The following APOB variants were observed in gnomAD, a reference collection of about 807,000 sequenced individuals.
The protein encoded by APOB is apolipoprotein B.
In APOB, 153 loss-of-function variants were observed where a neutral mutation model predicts 314.1. The ratio of observed to expected loss-of-function variants is 0.49; its 90% CI spans 0.43 to 0.56. The LOEUF is 0.56. Among genes scored for constraint, APOB ranks in the 20% least tolerant of loss-of-function variants. The pLI is 0.00. For synonymous variants in APOB, 2,087 were observed against 2,036.4 expected, an observed-to-expected ratio of 1.02 and a Z score of -0.67; for missense variants, 5,430 against 5,350.7, an observed-to-expected ratio of 1.01 and a Z score of -0.46.
Position 21,015,231 on chromosome 2 carries a change from T to C in APOB, c.3538A>G (p.Thr1180Ala). The C allele has an allele frequency of 1.9e-6, 3 of 1,614,258 alleles. No homozygotes were observed. The highest frequency in any genetic ancestry group is 2.5e-6 in the Non-Finnish European group (3 of 1,180,042). ...DEEKIEFEWN[T>A]GTNVDTKKMT... ...TTTTTGGTATCTACATTGGTGCCTG[T>C]GTTCCATTCAAATTCAATCTTCTCT... The change falls in exon 23 of 29, where the codon ACA becomes GCA. Residue 1180 changes from threonine (T) to alanine (A), a missense_variant. Physicochemically the swap from Thr to Ala is moderately conservative, Grantham distance 58. Coordinates refer to ENST00000233242, the MANE Select transcript of APOB (RefSeq NM_000384.3).
chr2:21,005,247 C>T lies in APOB; in HGVS notation c.11621G>A (p.Gly3874Glu), dbSNP rs754886335. 5.6e-6 allele frequency: 9 copies of T among 1,613,940 alleles called. No homozygotes were observed. In the African/African-American group the frequency reaches 1.2e-4, roughly 22 times the overall value. ...IPSIKFSVPA[G>E]IVIPSFQALT... ...TGCTTGAAAGGAAGGAATGACAATTCCAGCAGGTACAGAGAACTTAATGGA... is the reference window on the plus strand; with the variant it reads ...TGCTTGAAAGGAAGGAATGACAATTTCAGCAGGTACAGAGAACTTAATGGA... Residue 3874 changes from glycine (G) to glutamate (E), a missense_variant, in exon 26 of 29, where the codon GGA (glycine) becomes GAA (glutamate). Around this residue, in one of 3 missense-constraint regions of APOB, gnomAD observed 3,281 missense variants for 3,171.0 expected, o/e 1.03. Transcript: ENST00000233242.
chr2:21,006,085 G>T lies in APOB; in HGVS notation c.10783C>A (p.Gln3595Lys). 6.2e-7 allele frequency: 1 copy of T among 1,614,016 alleles called. No individual in the cohort carries two copies. The highest frequency in any genetic ancestry group is 8.5e-7 in the Non-Finnish European group (1 of 1,179,940). Residue 3595 changes from glutamine to lysine, a missense_variant, in exon 26 of 29, where the codon CAA becomes AAA. By Grantham distance (53) the Gln-to-Lys change is moderately conservative. Around this residue, in one of 3 missense-constraint regions of APOB, gnomAD observed 3,281 missense variants for 3,171.0 expected, o/e 1.03. Coordinates refer to ENST00000233242, the MANE Select transcript of APOB (RefSeq NM_000384.3). ...SKATLELSPW[Q>K]MSALVQVHAS... ...TGGACCTGAACAAGAGCTGACATTT[G>T]CCATGGAGAGAGTTCCAGGGTGGCT...
intron 20 of APOB, among the ~76,000 whole-genome samples, chr2:21,016,925 A>G (rs892934616): frequency 2.6e-5 from 4 of 151,964 alleles, no homozygotes; most frequent in Non-Finnish European, 5.9e-5. Flanking sequence ...CGGGGCTTGC[A>G]GTGAGCCGAG....
chr2:21,007,726 C>G lies in APOB; in HGVS notation c.9142G>C (p.Ala3048Pro). ...AAATTCCCTTCATTGTTTGTGGATG[C>G]CGTGATCTCAAATGGCTGGGCTGAA... ...FFSAQPFEIT[A>P]STNNEGNLKV... is the part of the protein sequence containing the mutation. Residue 3048 changes from alanine (A) to proline (P), a missense_variant, in exon 26 of 29, where the codon GCA (alanine) becomes CCA (proline). By Grantham distance (27) the Ala-to-Pro change is conservative. Coordinates refer to ENST00000233242, the MANE Select transcript of APOB (RefSeq NM_000384.3). 6.2e-7 allele frequency: 1 copy of G among 1,614,084 alleles called. No individual in the cohort carries two copies. Among genetic ancestry groups the G allele is most frequent in the Non-Finnish European group, 8.5e-7 (1 of 1,179,964 alleles).
At chr2:21,029,060 G>A (rs1399749643) in intron 12 of APOB, among the ~76,000 whole-genome samples, 2 of 152,180 alleles carry the variant, frequency 1.3e-5, no homozygotes, top group Admixed American at 6.5e-5. Flanking sequence ...AACATCTCAC[G>A]TTCTGCATGT....
chr2:21,016,995 A>T (rs987497307), intron 20 of APOB, among the ~76,000 whole-genome samples: 4 of 135,886 alleles, frequency 2.9e-5, no homozygotes, highest in African/African-American at 5.4e-5. Context: ...AAAAATAAAT[A>T]AATAAATAAA....
At chr2:21,032,284 A>T in intron 10 of APOB, 70 bp downstream of exon 10, 1 of 1,395,052 alleles carries the variant, frequency 7.2e-7, no homozygotes, top group Non-Finnish European at 1.0e-6. Context: ...TTCAGTTTTA[A>T]TACAGAGATG....
chr2:21,041,865 G>A (rs577733037), intron 3 of APOB, among the ~76,000 whole-genome samples: 1 of 152,156 alleles, frequency 6.6e-6, no homozygotes, highest in Non-Finnish European at 1.5e-5. Context: ...CCACATGTAT[G>A]TAACATGAGT....
chr2:21,025,228 A>T lies in APOB; in HGVS notation c.2245-104T>A, dbSNP rs540313673. 53 of 1,168,228 alleles carry T rather than the reference A, an allele frequency of 4.5e-5. No homozygotes were observed. In the African/African-American group the frequency reaches 7.4e-4, roughly 16 times the overall value. 72.4% of individuals were successfully genotyped at this position (1,168,228 alleles called of 1,614,324 possible). A position where few individuals can be genotyped will look rare whatever the true frequency, so the allele number is the denominator to read the frequency against. On this transcript the variant is annotated intron_variant, in intron 15 of 28. Transcript: ENST00000233242. The stretch of plus-strand genomic sequence containing the variant: ...TGATGCAGCCAGGATGGGCCTAAAA[A>T]ATGCTCCAGGTGAGGAACAGGGAGA...
Position 21,005,308 on chromosome 2 carries a change from T to G in APOB, c.11560A>C (p.Thr3854Pro), listed in dbSNP as rs1176973359. Residue 3854 changes from threonine (T) to proline (P), a missense_variant, in exon 26 of 29, where the codon ACC becomes CCC. This residue lies in a region of APOB where 3,281 missense variants were observed against 3,171.0 expected (regional missense o/e 1.03). Transcript: ENST00000233242. The part of the protein sequence containing the change: ...ANKIADFELP[T>P]IIVPEQTIEI... ...ATGGTCTGCTCAGGCACGATGATGG[T>G]GGGCAACTCAAAGTCTGCGATCTTG... The G allele has an allele frequency of 6.2e-7, 1 of 1,613,938 alleles. No homozygotes were observed. Among genetic ancestry groups the G allele is most frequent in the Non-Finnish European group, 8.5e-7 (1 of 1,179,958 alleles).
rs778630493 is a variant in APOB at position 21,015,178 on chromosome 2, G to A, written c.3591C>T (p.Leu1197=). 3.7e-6 allele frequency: 6 copies of A among 1,614,076 alleles called. No homozygotes were observed. The East Asian group carries it at 1.3e-4, about 36-fold the overall frequency. Residue 1197 remains leucine (L), a synonymous_variant, in exon 23 of 29, where the codon CTC becomes CTT. Coordinates refer to ENST00000233242, the MANE Select transcript of APOB (RefSeq NM_000384.3). Reference sequence around the variant, plus strand: ...TATGCAAGCTCTTAGGATAATCGGAGAGATCCACAGGGAAATTGGAAGTCA... The same window carrying A: ...TATGCAAGCTCTTAGGATAATCGGAAAGATCCACAGGGAAATTGGAAGTCA... The part of the protein sequence containing the change: ...KKMTSNFPVD[L]SDYPKSLHMY...
Position 21,013,184 on chromosome 2 carries a change from C to A in APOB, c.4192G>T (p.Asp1398Tyr). ...RYHMKADSVV[D>Y]LLSYNVQGSG... ...CCTTGCACATTGTAGGAAAGCAGGT[C>A]AACCACAGAGTCAGCCTTCATGTGG... Residue 1398 changes from aspartate to tyrosine, a missense_variant, in exon 25 of 29, where the codon GAC becomes TAC. Physicochemically the swap from Asp to Tyr is radical, Grantham distance 160. Transcript: ENST00000233242. 6.2e-7 allele frequency: 1 copy of A among 1,614,072 alleles called. No homozygotes were observed. Among genetic ancestry groups the A allele is most frequent in the East Asian group, 2.2e-5 (1 of 44,882 alleles).
In APOB at chr2:21,037,086, G is replaced by A. The variant is rs374958338; in HGVS notation, c.693+14C>T. 4.3e-6 allele frequency: 7 copies of A among 1,614,060 alleles called. No individual in the cohort carries two copies. In the African/African-American group the frequency reaches 9.3e-5, roughly 22 times the overall value. On this transcript the variant is annotated intron_variant, in intron 6 of 28. Coordinates refer to ENST00000233242, the MANE Select transcript of APOB (RefSeq NM_000384.3). ...GCTCCTTGCTGTGCACGACAGTGCT[G>A]ACATGGGACTTACCATGCCTTTGAT...
At chr2:21,037,322 A>T in intron 5 of APOB, 67 bp from the exon 6 acceptor site, 352 of 1,240,392 alleles carry the variant, frequency 2.8e-4, no homozygotes, top group Non-Finnish European at 3.5e-4. Context: ...CTTGGGAGGG[A>T]TGGGGTGGGG....
chr2:21,002,621 C>T lies in APOB; in HGVS notation c.12801G>A (p.Ser4267=), dbSNP rs764627015. The part of the protein sequence containing the change: ...LRKHKLIDVI[S]MYRELLKDLS... ...AATCTTTCAACAGTTCCCTATACAT[C>T]GAGATTACATCTATTAGTTTATGTT... The change falls in exon 29 of 29, where the codon TCG becomes TCA. Residue 4267 remains serine, a synonymous_variant. Transcript: ENST00000233242. 7 of 1,613,972 alleles carry T rather than the reference C, an allele frequency of 4.3e-6. No homozygotes were observed. The highest frequency in any genetic ancestry group is 1.3e-5 in the African/African-American group (1 of 74,998).
Position 21,015,409 on chromosome 2 carries a change from A to G in APOB, c.3469T>C (p.Tyr1157His). 2 of 1,614,190 alleles carry G rather than the reference A, an allele frequency of 1.2e-6. No individual in the cohort carries two copies. Among genetic ancestry groups the G allele is most frequent in the Non-Finnish European group, 8.5e-7 (1 of 1,180,044 alleles). The change falls in exon 22 of 29, where the codon TAT becomes CAT. Residue 1157 changes from tyrosine (Y) to histidine (H), a missense_variant. Around this residue, in one of 3 missense-constraint regions of APOB, gnomAD observed 2,085 missense variants for 2,079.7 expected, o/e 1.00. Transcript: ENST00000233242. ...ACCCTCTTGGAAACTGTGGAGCCAT[A>G]AGCTGTAGCAGATGAGTCCATTTGG... ...LLQMDSSATAYGSTVSKRVAW... is the reference protein window; with the variant it reads ...LLQMDSSATAHGSTVSKRVAW...
intron 4 of APOB, 141 bp from the exon 5 acceptor site, chr2:21,038,252 A>C: frequency 1.1e-6 from 1 of 891,064 alleles, no homozygotes; most frequent in Non-Finnish European, 1.8e-6. Context: ...TAAATATAGA[A>C]TATAGCTACA....
chr2:21,029,699 T>C lies in APOB; in HGVS notation c.1557A>G (p.Pro519=). The C allele has an allele frequency of 1.9e-6, 3 of 1,614,204 alleles. No individual in the cohort carries two copies. Among genetic ancestry groups the C allele is most frequent in the Non-Finnish European group, 8.5e-7 (1 of 1,180,026 alleles). ...TGGCAGCTTTCTGGATCATCAGTGA[T>C]GGCTTTGTACTTTGGACACATTTCA... The part of the protein sequence containing the change: ...SILKCVQSTK[P]SLMIQKAAIQ... The change falls in exon 12 of 29, where the codon CCA becomes CCG. Residue 519 remains proline (P), a synonymous_variant. Coordinates refer to ENST00000233242, the MANE Select transcript of APOB (RefSeq NM_000384.3).
chr2:21,025,121 T>C lies in APOB; in HGVS notation c.2248A>G (p.Met750Val), dbSNP rs1335266600. Residue 750 changes from methionine (M) to valine (V), a missense_variant, in exon 16 of 29, where the codon ATG becomes GTG. This residue lies in a region of APOB where 2,085 missense variants were observed against 2,079.7 expected (regional missense o/e 1.00). Transcript: ENST00000233242. ...ACACTGAGCATTATTCCATTTACCATATCCTGAGAGTTTAGTAATAAAATG... is the reference window on the plus strand; with the variant it reads ...ACACTGAGCATTATTCCATTTACCACATCCTGAGAGTTTAGTAATAAAATG... ...YTKDDKHEQD[M>V]VNGIMLSVEK... 4.3e-6 allele frequency: 7 copies of C among 1,613,790 alleles called. No individual in the cohort carries two copies. Among genetic ancestry groups the C allele is most frequent in the Non-Finnish European group, 5.1e-6 (6 of 1,179,974 alleles).
Sources: allele counts gnomAD v4.1 joint callset (sites outside exome capture counted in the v4.1 genomes callset), GRCh38; gene constraint gnomAD v4.1.1; regional missense constraint gnomAD v4.1.1; transcripts MANE v1.5; gene names NCBI Gene and HGNC (gene_info 2026-07-23, HGNC 2026-07-21).